Variants in VPS13B observed in about 807,000 individuals in gnomAD.
The protein encoded by VPS13B is vacuolar protein sorting 13 homolog B.
A neutral mutation model predicts 426.4 loss-of-function variants in VPS13B; 285 were observed. The observed-to-expected ratio is 0.67, with a 90% confidence interval of 0.61 to 0.74. The LOEUF (loss-of-function observed/expected upper bound fraction) is 0.74. VPS13B is among the 30% of genes least tolerant of loss of function. The probability of loss-of-function intolerance (pLI) is 0.00; values close to 1 mark genes in which losing one functional copy is unlikely to be tolerated. For synonymous variants in VPS13B, 1,676 were observed against 1,676.4 expected (o/e 1.00, Z 0.01); for missense variants, 4,537 against 4,782.6 (o/e 0.95, Z 1.51).
chr8:99,343,080 A>G (rs57616437), intron 19 of VPS13B, among the ~76,000 whole-genome samples: 2,547 of 147,452 alleles, frequency 0.017, 66 homozygotes, highest in African/African-American at 0.06. Context: ...GTTCAGGTTT[A>G]TTGCCCATTT....
intron 31 of VPS13B, among the ~76,000 whole-genome samples, chr8:99,567,308 T>G (rs1206385063): frequency 2.0e-5 from 3 of 152,212 alleles, no homozygotes; most frequent in African/African-American, 7.2e-5. Flanking sequence ...TCAGAGCTAT[T>G]ATCCATTGGA....
Position 99,869,228 on chromosome 8 carries a change from T to C in VPS13B, c.11392+763T>C, listed in dbSNP as rs141174940. Reference sequence around the variant, plus strand: ...TTGGTAATGAAGCAGGTTGTCTAGCTAGTATCACAAACGACAGAAGCGCCC... The same window carrying C: ...TTGGTAATGAAGCAGGTTGTCTAGCCAGTATCACAAACGACAGAAGCGCCC... On this transcript the variant is annotated intron_variant, in intron 59 of 61. Coordinates refer to ENST00000357162, the MANE Select transcript of VPS13B (RefSeq NM_152564.5). Among the ~76,000 whole-genome samples the C allele has an allele frequency of 3.4e-3, 515 of 152,352 alleles. 4 individuals carry two copies. The highest frequency in any genetic ancestry group is 0.012 in the African/African-American group (487 of 41,590).
intron 25 of VPS13B, among the ~76,000 whole-genome samples, chr8:99,496,391 C>T (rs1016732578): frequency 2.0e-5 from 3 of 152,156 alleles, no homozygotes; most frequent in Non-Finnish European, 4.4e-5. Flanking sequence ...TTGGCTCACG[C>T]CTGTAATCCC....
intron 5 of VPS13B, among the ~76,000 whole-genome samples, chr8:99,107,203 A>T (rs1351640837): frequency 6.6e-6 from 1 of 152,190 alleles, no homozygotes; most frequent in East Asian, 1.9e-4. Context: ...TATCTTTGTG[A>T]GGGTAAAAAG....
rs1481230802 is a variant in VPS13B at position 99,418,535 on chromosome 8, T to TC, written c.3083-13002_3083-13001insC. On this transcript the variant is annotated intron_variant, in intron 21 of 61. Transcript: ENST00000357162. ...TCTTTCCTTTCTTTCTTTCTCTTTC[T>TC]TTTCTTTTCTTTTCTTTTCTTTCAT... Among the ~76,000 whole-genome samples, 850 of 87,318 alleles carry TC rather than the reference T, an allele frequency of 9.7e-3. 6 individuals are homozygous for TC. The highest frequency in any genetic ancestry group is 0.023 in the East Asian group (42 of 1,832). The allele number at this position is 87,318 out of a possible 152,430, so 57.3% of individuals were successfully genotyped here.
intron 30 of VPS13B, among the ~76,000 whole-genome samples, chr8:99,551,621 A>T (rs191570256): frequency 1.3e-5 from 2 of 151,916 alleles, no homozygotes; most frequent in East Asian, 3.9e-4. Flanking sequence ...TTTAGTGGCT[A>T]CTCTGGCTAT....
intron 32 of VPS13B, 132 bp downstream of exon 32, chr8:99,575,916 C>G (rs1825753804): frequency 6.6e-6 from 6 of 907,372 alleles, no homozygotes; most frequent in Non-Finnish European, 1.0e-5. Flanking sequence ...ACTATCATAG[C>G]TAACATTTAT....
At chr8:99,162,386 C>T (rs1339142524) in intron 15 of VPS13B, among the ~76,000 whole-genome samples, 2 of 152,154 alleles carry the variant, frequency 1.3e-5, no homozygotes, top group Non-Finnish European at 2.9e-5. Context: ...GTATACTGAA[C>T]CTTGGCTGTA....
chr8:99,561,903 G>A (rs1824941843), intron 31 of VPS13B, among the ~76,000 whole-genome samples: 1 of 152,146 alleles, frequency 6.6e-6, no homozygotes, highest in Admixed American at 6.6e-5. Flanking sequence ...ACAAGTACCT[G>A]TTTTCACATA....
intron 43 of VPS13B, among the ~76,000 whole-genome samples, chr8:99,792,621 G>A (rs1812606496): frequency 6.6e-6 from 1 of 152,182 alleles, no homozygotes; most frequent in Non-Finnish European, 1.5e-5. Context: ...GAGGCCTCCA[G>A]AACCGGAAGA....
At chr8:99,409,750 T>A (rs933904409) in intron 21 of VPS13B, among the ~76,000 whole-genome samples, 1 of 152,168 alleles carries the variant, frequency 6.6e-6, no homozygotes, top group Non-Finnish European at 1.5e-5. Context: ...CCGGACTACA[T>A]GCTGGCGTCA....
rs1349490345 is a variant in VPS13B, at chr8:99,184,976, C to T, written c.2334-7900C>T. On this transcript the variant is annotated intron_variant, in intron 16 of 61. Coordinates refer to ENST00000357162, the MANE Select transcript of VPS13B (RefSeq NM_152564.5). ...CTGCACTTCAGCCTCAGGGACAGAG[C>T]GAGACTCTGCTTTGAAAAAAAGAAA... is the stretch of plus-strand genomic sequence containing the variant. Among the ~76,000 whole-genome samples the T allele has an allele frequency of 5.3e-5, 8 of 152,030 alleles. No individual in the cohort carries two copies. In the East Asian group the frequency reaches 5.8e-4, roughly 11 times the overall value.
intron 35 of VPS13B, among the ~76,000 whole-genome samples, chr8:99,684,116 T>G (rs530313005): frequency 6.6e-6 from 1 of 152,364 alleles, no homozygotes; most frequent in Admixed American, 6.5e-5. Context: ...GTTAATATTT[T>G]TACATTGATT....
At chr8:99,726,567 TCA>T (rs572895871) in intron 39 of VPS13B, among the ~76,000 whole-genome samples, 84 of 152,322 alleles carry the variant, frequency 5.5e-4, no homozygotes, top group Middle Eastern at 3.4e-3. Flanking sequence ...TTGGCCATTG[TCA>T]CATGCCAAAT....
chr8:99,826,697 G>A (rs1282551694), intron 51 of VPS13B, among the ~76,000 whole-genome samples: 1 of 152,170 alleles, frequency 6.6e-6, no homozygotes, highest in East Asian at 1.9e-4. Context: ...TATGATATTG[G>A]CTGTGGGTTT....
chr8:99,640,066 G>GAA (rs1829281937), intron 33 of VPS13B, among the ~76,000 whole-genome samples: 7 of 124,234 alleles, frequency 5.6e-5, no homozygotes, highest in African/African-American at 2.1e-4. Flanking sequence ...GAAAAGAAAA[G>GAA]AAAAGAAAAG....
chr8:99,641,719 A>AT (rs1829371717), intron 33 of VPS13B, 92 bp from the exon 34 acceptor site: 1 of 1,306,362 alleles, frequency 7.7e-7, no homozygotes, highest in African/African-American at 1.5e-5. Context: ...CATTTTTAAA[A>AT]TTTTCTCTTT....
At chr8:99,678,257 A>G (rs1260802565) in intron 35 of VPS13B, among the ~76,000 whole-genome samples, 1 of 151,932 alleles carries the variant, frequency 6.6e-6, no homozygotes, top group Non-Finnish European at 1.5e-5. Context: ...TCTTATTTTT[A>G]TTTCAAGTCC....
intron 33 of VPS13B, among the ~76,000 whole-genome samples, chr8:99,641,213 G>T (rs1829343414): frequency 1.3e-5 from 2 of 152,048 alleles, no homozygotes; most frequent in Non-Finnish European, 2.9e-5. Flanking sequence ...ACTTATATTT[G>T]TCCTTGTTTT....
Sources: allele counts gnomAD v4.1 joint callset (sites outside exome capture counted in the v4.1 genomes callset), GRCh38; gene constraint gnomAD v4.1.1; transcripts MANE v1.5; gene names NCBI Gene and HGNC (gene_info 2026-07-23, HGNC 2026-07-21).